The following ADCY2 variants were observed in gnomAD, a reference collection of about 807,000 sequenced individuals.
ADCY2 encodes adenylate cyclase type 2.
ADCY2 carries 31 observed loss-of-function variants against 125.2 expected under a neutral mutation model. The ratio of observed to expected loss-of-function variants is 0.25; its 90% confidence interval spans 0.19 to 0.33. ADCY2 has a LOEUF of 0.33. ADCY2 is among the 10% of genes least tolerant of loss of function. The pLI is 1.00. For missense variants in ADCY2, 904 were observed against 1,418.2 expected, an observed-to-expected ratio of 0.64 and a Z score of 5.82; for synonymous variants, 512 against 548.4, an observed-to-expected ratio of 0.93 and a Z score of 0.93.
chr5:7,457,864 A>G (rs900226459), intron 2 of ADCY2, among the ~76,000 whole-genome samples: 1 of 152,232 alleles, frequency 6.6e-6, no homozygotes, highest in African/African-American at 2.4e-5. Flanking sequence ...ATCAGTGAGG[A>G]TGGCAGTCAC....
At chr5:7,698,135 C>T in intron 6 of ADCY2, 112 bp from the exon 7 acceptor site, 1 of 1,354,476 alleles carries the variant, frequency 7.4e-7, no homozygotes, top group East Asian at 2.3e-5. Context: ...ATTGCTCTCT[C>T]CAGATGCCCC....
intron 4 of ADCY2, among the ~76,000 whole-genome samples, chr5:7,635,651 A>G (rs959104524): frequency 3.3e-5 from 5 of 152,182 alleles, no homozygotes; most frequent in Non-Finnish European, 7.3e-5. Flanking sequence ...AGTCATCAGC[A>G]TATAGTTCCT....
intron 3 of ADCY2, among the ~76,000 whole-genome samples, chr5:7,590,625 G>A (rs1736824054): frequency 6.6e-6 from 1 of 151,682 alleles, no homozygotes; most frequent in Non-Finnish European, 1.5e-5. Flanking sequence ...GTTTAAGTGT[G>A]TTGCCTGGTT....
Sources: allele counts gnomAD v4.1 joint callset (sites outside exome capture counted in the v4.1 genomes callset), GRCh38; gene constraint gnomAD v4.1.1; transcripts MANE v1.5; gene names NCBI Gene and HGNC (gene_info 2026-07-23, HGNC 2026-07-21).